The following DPP6 variants were observed in gnomAD, a reference collection of about 807,000 sequenced individuals.
DPP6 encodes the protein A-type potassium channel modulatory protein DPP6.
Under a neutral mutation model 122.6 loss-of-function variants are expected in DPP6, and 69 were observed. The ratio of observed to expected loss-of-function variants is 0.56; its 90% confidence interval spans 0.46 to 0.69. The LOEUF (loss-of-function observed/expected upper bound fraction) is 0.69, where lower values mean the gene tolerates loss of function less well. Among genes scored for constraint, DPP6 ranks in the 30% least tolerant of loss-of-function variants. DPP6 has a pLI of 0.00. For missense variants in DPP6, 928 were observed against 1,116.9 expected (o/e 0.83, Z 2.41); for synonymous variants, 418 against 433.1 (o/e 0.97, Z 0.43).
At chr7:154,330,596 A>T (rs1369015162) in intron 1 of DPP6, among the ~76,000 whole-genome samples, 3 of 152,228 alleles carry the variant, frequency 2.0e-5, no homozygotes, top group East Asian at 3.9e-4. Context: ...TCTGAGATGA[A>T]CATGAAGAGA....
the DPP6 span, among the ~76,000 whole-genome samples, chr7:153,797,961 G>A: frequency 2.9e-4 from 44 of 152,000 alleles, no homozygotes; most frequent in Non-Finnish European, 4.3e-4. Flanking sequence ...CCTGCCTCAG[G>A]CTCCCAAGTA....
chr7:154,853,685 A>T (rs1457905951), intron 16 of DPP6, 95 bp from the exon 17 acceptor site: 5 of 1,539,194 alleles, frequency 3.2e-6, no homozygotes, highest in South Asian at 1.2e-5. Flanking sequence ...CCGCACGTCT[A>T]TCTACGTGGC....
intron 1 of DPP6, among the ~76,000 whole-genome samples, chr7:154,358,891 A>G (rs1338959359): frequency 6.6e-6 from 1 of 152,140 alleles, no homozygotes; most frequent in East Asian, 1.9e-4. Flanking sequence ...TTTTTAGTAG[A>G]GATGAGGTTT....
At chr7:154,769,318 G>A in intron 8 of DPP6, 99 bp from the exon 9 acceptor site, 1 of 1,506,262 alleles carries the variant, frequency 6.6e-7, no homozygotes, top group East Asian at 2.3e-5. Flanking sequence ...GCTCTGCAGG[G>A]ACTCGTTTCT....
At chr7:154,134,068 C>T (rs1027642035) in intron 1 of DPP6, among the ~76,000 whole-genome samples, 2 of 151,886 alleles carry the variant, frequency 1.3e-5, no homozygotes, top group African/African-American at 4.8e-5. Context: ...GGCTGCCACT[C>T]AGTGCAGTCT....
At chr7:154,867,080 C>G (rs1160713108) in intron 17 of DPP6, among the ~76,000 whole-genome samples, 3 of 151,718 alleles carry the variant, frequency 2.0e-5, no homozygotes, top group African/African-American at 7.3e-5. Context: ...AACAAATGCA[C>G]AAATTGCAGC....
At chr7:154,628,172 T>C (rs910222520) in intron 5 of DPP6, among the ~76,000 whole-genome samples, 5 of 152,196 alleles carry the variant, frequency 3.3e-5, no homozygotes, top group African/African-American at 9.6e-5. Context: ...CTTCCATCCT[T>C]CTATTAACAG....
At chr7:154,499,801 A>G (rs1008498646) in intron 3 of DPP6, among the ~76,000 whole-genome samples, 1 of 152,104 alleles carries the variant, frequency 6.6e-6, no homozygotes, top group East Asian at 1.9e-4. Context: ...ATATTTCAGT[A>G]TGTGTGTGGG....
chr7:154,079,593 C>A (rs1803843503), intron 1 of DPP6, among the ~76,000 whole-genome samples: 2 of 152,066 alleles, frequency 1.3e-5, no homozygotes, highest in African/African-American at 2.4e-5. Context: ...ACAAGCACGG[C>A]CCCTTTGAGG....
At chr7:154,793,797 C>A in intron 10 of DPP6, 1 of 327,148 alleles carries the variant, frequency 3.1e-6, no homozygotes, top group Non-Finnish European at 5.6e-6. Context: ...CACGGAGCAG[C>A]CCCCACACCC....
chr7:154,431,534 CTTTTTT>C (rs67861044), intron 1 of DPP6, among the ~76,000 whole-genome samples: 1 of 98,898 alleles, frequency 1.0e-5, no homozygotes, highest in African/African-American at 3.8e-5. Context: ...TTCTTTCTTT[CTTTTTT>C]TTTTTTTTTT....
rs554468875 is a variant in DPP6, at chr7:154,637,501, A to G, written c.628-320A>G. On this transcript the variant is annotated intron_variant, in intron 5 of 25. Coordinates refer to ENST00000377770, the MANE Select transcript of DPP6 (RefSeq NM_130797.4). ...TAGCTGACGGTGCCTGATGGTCTCC[A>G]ATGACCAAGGTGTCCTCATTAGTTC... Among the ~76,000 whole-genome samples the G allele has an allele frequency of 2.9e-4, 44 of 152,266 alleles. 1 individual carries two copies. In the South Asian group the frequency reaches 9.1e-3, roughly 32 times the overall value.
upstream of DPP6, among the ~76,000 whole-genome samples, chr7:154,052,099 C>T (rs1310178542): frequency 3.5e-5 from 4 of 114,008 alleles, no homozygotes; most frequent in Admixed American, 1.7e-4. This position sits in a 1 kb window ranked among gnomAD's most constrained non-coding sequence, Gnocchi z 4.8. Context: ...TTGCACCGTC[C>T]GCTCGCGTGC....
rs755998192 is a variant in DPP6, at chr7:154,867,984, C to T, written c.1715-11C>T. ...CTGCATCTCAGTGTGTCCCTGTTTC[C>T]TCTCTTTCAGAAATGTTTGACCTAG... is the stretch of plus-strand genomic sequence containing the variant. On this transcript the variant is annotated splice_polypyrimidine_tract_variant and intron_variant, in intron 17 of 25. Transcript: ENST00000377770. 1 of 1,584,660 alleles carries T rather than the reference C, an allele frequency of 6.3e-7. No individual in the cohort carries two copies.
chr7:154,817,708 G>A (rs1799508346), intron 16 of DPP6, among the ~76,000 whole-genome samples: 1 of 152,078 alleles, frequency 6.6e-6, no homozygotes, highest in Admixed American at 6.6e-5. Context: ...AGCATCATGA[G>A]TGATTGATGC....
intron 1 of DPP6, among the ~76,000 whole-genome samples, chr7:154,089,349 G>C (rs1804647625): frequency 1.1e-5 from 1 of 90,812 alleles, no homozygotes. Flanking sequence ...TGCCTCAGAT[G>C]GAGGTAGTGA....
chr7:154,151,210 C>T (rs1470810623), intron 1 of DPP6, among the ~76,000 whole-genome samples: 1 of 152,198 alleles, frequency 6.6e-6, no homozygotes, highest in African/African-American at 2.4e-5. Context: ...AGACCTGGGG[C>T]ACCTGATTGC....
chr7:153,857,601 T>C, the DPP6 span, among the ~76,000 whole-genome samples: 1 of 152,170 alleles, frequency 6.6e-6, no homozygotes, highest in Non-Finnish European at 1.5e-5. Flanking sequence ...GATGATGTTT[T>C]TTGTCATTTG....
intron 7 of DPP6, among the ~76,000 whole-genome samples, chr7:154,726,334 C>T (rs1842063206): frequency 6.6e-6 from 1 of 152,210 alleles, no homozygotes; most frequent in African/African-American, 2.4e-5. Context: ...CCTGGACTTC[C>T]AGGCATTTCA....
Sources: gnomAD v4.1 joint callset for allele counts (sites outside exome capture counted in the v4.1 genomes callset) on GRCh38, gnomAD v4.1.1 for gene constraint, Gnocchi (gnomAD v3.1) non-coding constraint, MANE v1.5 for transcripts, NCBI Gene and HGNC (gene_info 2026-07-23, HGNC 2026-07-21) for gene names.